Variants in PTPN21 observed in about 807,000 individuals in gnomAD.
The protein encoded by PTPN21 is tyrosine-protein phosphatase non-receptor type 21.
Under a neutral mutation model 131.8 loss-of-function variants are expected in PTPN21, and 77 were observed. The observed-to-expected ratio is 0.58, with a 90% CI of 0.49 to 0.71. The LOEUF (loss-of-function observed/expected upper bound fraction) is 0.71. PTPN21 is among the 30% of genes least tolerant of loss of function. PTPN21 has a pLI of 0.00. For missense variants in PTPN21, 1,552 were observed against 1,527.1 expected, an observed-to-expected ratio of 1.02 and a Z score of -0.27; for synonymous variants, 715 against 621.3, an observed-to-expected ratio of 1.15 and a Z score of -2.24.
In PTPN21 at chr14:88,507,913, T is replaced by A; in HGVS notation, c.448+10A>T. 6.6e-7 allele frequency: 1 copy of A among 1,524,766 alleles called. No homozygotes were observed. Among genetic ancestry groups the A allele is most frequent in the Non-Finnish European group, 9.0e-7 (1 of 1,112,540 alleles). 94.5% of individuals were successfully genotyped at this position (1,524,766 alleles called of 1,614,324 possible). A position where few individuals can be genotyped will look rare whatever the true frequency, so the allele number is the denominator to read the frequency against. Reference sequence around the variant, plus strand: ...ATAGAACCATTTCATTATGAATTGATCTTATTTACCTTGAACAGCTAAGCC... The same window carrying A: ...ATAGAACCATTTCATTATGAATTGAACTTATTTACCTTGAACAGCTAAGCC... On this transcript the variant is annotated intron_variant, in intron 4 of 18. Transcript: ENST00000556564.
intron 12 of PTPN21, among the ~76,000 whole-genome samples, chr14:88,484,261 A>C (rs1418997716): frequency 1.3e-5 from 2 of 149,394 alleles, no homozygotes; most frequent in Admixed American, 1.4e-4. Flanking sequence ...CCTGTGGTCC[A>C]GGCTGAAGAT....
chr14:88,514,262 T>C (rs1046549743), intron 3 of PTPN21, among the ~76,000 whole-genome samples: 4 of 152,194 alleles, frequency 2.6e-5, no homozygotes, highest in Non-Finnish European at 5.9e-5. Flanking sequence ...CATATTCACC[T>C]GTTACACAGA....
At chr14:88,495,355 T>C (rs2077895123) in intron 10 of PTPN21, among the ~76,000 whole-genome samples, 1 of 152,110 alleles carries the variant, frequency 6.6e-6, no homozygotes, top group Non-Finnish European at 1.5e-5. Context: ...TGCGGTAGGA[T>C]GCAGGAGTCA....
At chr14:88,530,096 A>G (rs2078533864) in intron 2 of PTPN21, among the ~76,000 whole-genome samples, 1 of 152,202 alleles carries the variant, frequency 6.6e-6, no homozygotes, top group Non-Finnish European at 1.5e-5. Context: ...GAAACTCTAC[A>G]AGCCAGAAGG....
In PTPN21 at chr14:88,485,729, C is replaced by T. The variant is rs187708787; in HGVS notation, c.993+53G>A. ...AACAGCATTGAAAGCATATTTTATT[C>T]AGGAAAAACATCACTAAAATAAAAA... On this transcript the variant is annotated intron_variant, in intron 11 of 18. Coordinates refer to ENST00000556564, the MANE Select transcript of PTPN21 (RefSeq NM_007039.4). 1.7e-4 allele frequency: 219 copies of T among 1,311,616 alleles called. 1 individual carries two copies. In the African/African-American group the frequency reaches 2.8e-3, roughly 17 times the overall value. 81.2% of individuals were successfully genotyped at this position (1,311,616 alleles called of 1,614,324 possible).
At chr14:88,530,765 A>C (rs1393333496) in intron 2 of PTPN21, among the ~76,000 whole-genome samples, 9 of 152,280 alleles carry the variant, frequency 5.9e-5, no homozygotes, top group African/African-American at 1.7e-4. Flanking sequence ...TGCACCTAAC[A>C]CTGGAGTTCC....
At chr14:88,470,082 T>G in intron 15 of PTPN21, 32 bp from the exon 16 acceptor site, 1 of 1,603,810 alleles carries the variant, frequency 6.2e-7, no homozygotes, top group Non-Finnish European at 8.5e-7. Context: ...AAAATTGATG[T>G]GTGGGTATAA....
At position 88,485,114 on chromosome 14, in the gene PTPN21, T is replaced by C. The variant is rs1404582951; in HGVS notation, c.1040A>G (p.Tyr347Cys). 2.5e-6 allele frequency: 4 copies of C among 1,609,232 alleles called. No individual in the cohort carries two copies. Among genetic ancestry groups the C allele is most frequent in the African/African-American group, 2.7e-5 (2 of 74,850 alleles). The change falls in exon 12 of 19, where the codon TAT becomes TGT. Residue 347 changes from tyrosine (Y) to cysteine (C), a missense_variant. By Grantham distance (194) the Tyr-to-Cys change is radical. This residue lies in a region of PTPN21 where 1,016 missense variants were observed against 883.5 expected (regional missense o/e 1.15). Transcript: ENST00000556564. ...YVMPPPPQLH[Y>C]NGHYTEPYAS... Reference sequence around the variant, plus strand: ...ATATGGTTCTGTATAATGTCCATTATAGTGCAACTGCGGTGGGGGAGGCAT... The same window carrying C: ...ATATGGTTCTGTATAATGTCCATTACAGTGCAACTGCGGTGGGGGAGGCAT...
intron 2 of PTPN21, among the ~76,000 whole-genome samples, chr14:88,533,915 CAGA>C (rs2078589918): frequency 6.6e-6 from 1 of 151,940 alleles, no homozygotes; most frequent in African/African-American, 2.4e-5. Flanking sequence ...AGGAGGTTTC[CAGA>C]AGAAGGCATT....
chr14:88,518,906 G>A (rs1363856779), intron 2 of PTPN21, among the ~76,000 whole-genome samples: 1 of 151,366 alleles, frequency 6.6e-6, no homozygotes, highest in Non-Finnish European at 1.5e-5. Context: ...TTATTCCTTT[G>A]TCCCCAAAAT....
At position 88,517,141 on chromosome 14, in the gene PTPN21, C is replaced by T; in HGVS notation, c.301G>A (p.Val101Met). The change falls in exon 3 of 19, where the codon GTG becomes ATG. Residue 101 changes from valine to methionine, a missense_variant. Physicochemically the swap from Val to Met is conservative, Grantham distance 21. Coordinates refer to ENST00000556564, the MANE Select transcript of PTPN21 (RefSeq NM_007039.4). ...YALEPTVYFGVVFYVPSVSQL... is the reference protein window; with the variant it reads ...YALEPTVYFGMVFYVPSVSQL... The stretch of plus-strand genomic sequence containing the variant: ...GAAACTGAAGGCACATAAAACACCA[C>T]TCCAAAATAGACGGTAGGTTCCAAT... The T allele has an allele frequency of 6.2e-7, 1 of 1,614,120 alleles. No homozygotes were observed. Among genetic ancestry groups the T allele is most frequent in the Non-Finnish European group, 8.5e-7 (1 of 1,179,992 alleles).
At chr14:88,516,580 CT>C (rs2139309506) in intron 3 of PTPN21, among the ~76,000 whole-genome samples, 1 of 152,206 alleles carries the variant, frequency 6.6e-6, no homozygotes, top group Non-Finnish European at 1.5e-5. Flanking sequence ...TCCCTTTCTG[CT>C]TTTGTCCCTA....
intron 3 of PTPN21, among the ~76,000 whole-genome samples, chr14:88,509,271 C>T (rs1255444163): frequency 1.3e-5 from 2 of 152,192 alleles, no homozygotes; most frequent in Non-Finnish European, 2.9e-5. Flanking sequence ...ATGGAAATCA[C>T]AGACACTCTG....
chr14:88,539,191 C>A (rs539592962), intron 2 of PTPN21, among the ~76,000 whole-genome samples: 1 of 151,538 alleles, frequency 6.6e-6, no homozygotes, highest in African/African-American at 2.4e-5. Context: ...TCAAGCAATT[C>A]TCCTGCCTCA....
At chr14:88,550,032 C>A (rs1042541437) in intron 2 of PTPN21, among the ~76,000 whole-genome samples, 2 of 152,100 alleles carry the variant, frequency 1.3e-5, no homozygotes, top group Non-Finnish European at 2.9e-5. Context: ...GATTCGCCCG[C>A]CTCGGCCTCC....
At chr14:88,540,940 G>A (rs1165109356) in intron 2 of PTPN21, among the ~76,000 whole-genome samples, 1 of 152,142 alleles carries the variant, frequency 6.6e-6, no homozygotes, top group Admixed American at 6.6e-5. Context: ...TATGATTACA[G>A]GCATGAGCCA....
chr14:88,479,663 T>C lies in PTPN21; in HGVS notation c.1768A>G (p.Ser590Gly). The C allele has an allele frequency of 2.1e-6, 3 of 1,437,606 alleles. No individual in the cohort carries two copies. The highest frequency in any genetic ancestry group is 2.8e-6 in the Non-Finnish European group (3 of 1,087,980). The allele number at this position is 1,437,606 out of a possible 1,614,324, so 89.1% of individuals were successfully genotyped here. The change falls in exon 13 of 19, where the codon AGC (serine) becomes GGC (glycine). Residue 590 changes from serine to glycine, a missense_variant. By Grantham distance (56) the Ser-to-Gly change is moderately conservative (BLOSUM62 0). This residue lies in a region of PTPN21 where 1,016 missense variants were observed against 883.5 expected (regional missense o/e 1.15). Transcript: ENST00000556564. ...DLSRHLYISS[S>G]NPDLITRRVH... Reference sequence around the variant, plus strand: ...CGCCGCGTGATGAGGTCGGGGTTGCTGCTGCTGATGTAAAGGTGGCGGGAC... The same window carrying C: ...CGCCGCGTGATGAGGTCGGGGTTGCCGCTGCTGATGTAAAGGTGGCGGGAC...
rs138228087 is a variant in PTPN21 at position 88,468,235 on chromosome 14, G to C, written c.3427C>G (p.Leu1143Val). The change falls in exon 19 of 19, where the codon CTG (leucine) becomes GTG (valine). Residue 1143 changes from leucine (L) to valine (V), a missense_variant. By Grantham distance (32) the Leu-to-Val change is conservative (BLOSUM62 1). Coordinates refer to ENST00000556564, the MANE Select transcript of PTPN21 (RefSeq NM_007039.4). ...VLDIPRVLDM[L>V]RQQRMMLVQT... ...ACCAGCATCATTCTCTGTTGCCTCA[G>C]CATGTCCAGCACTCTCGGGATGTCC... 2 of 1,610,094 alleles carry C rather than the reference G, an allele frequency of 1.2e-6. No individual in the cohort carries two copies. The highest frequency in any genetic ancestry group is 3.4e-5 in the Admixed American group (2 of 59,688).
intron 2 of PTPN21, among the ~76,000 whole-genome samples, chr14:88,535,467 C>G (rs1351355157): frequency 6.6e-6 from 1 of 152,176 alleles, no homozygotes; most frequent in African/African-American, 2.4e-5. Context: ...CACTTGCCAG[C>G]TCTGGAATGT....
Sources: gnomAD v4.1 joint callset for allele counts (sites outside exome capture counted in the v4.1 genomes callset) on GRCh38, gnomAD v4.1.1 for gene constraint, gnomAD v4.1.1 regional missense constraint, MANE v1.5 for transcripts, NCBI Gene and HGNC (gene_info 2026-07-23, HGNC 2026-07-21) for gene names.